PREX2: variants seen among roughly 807,000 people sequenced by gnomAD.
PREX2 encodes the protein phosphatidylinositol 3,4,5-trisphosphate-dependent Rac exchanger 2 protein.
In PREX2, 107 loss-of-function variants were observed where a neutral mutation model predicts 203.2. The observed-to-expected ratio is 0.53, with a 90% CI of 0.45 to 0.62. The LOEUF (loss-of-function observed/expected upper bound fraction) is 0.62, where lower values mean the gene tolerates loss of function less well. Ranked by LOEUF, PREX2 falls within the 20% of genes least tolerant of loss-of-function variation. PREX2 has a pLI of 0.00. For missense variants in PREX2, 1,777 were observed against 1,955.9 expected (o/e 0.91, Z 1.72); for synonymous variants, 672 against 663.6 (o/e 1.01, Z -0.19).
intron 35 of PREX2, among the ~76,000 whole-genome samples, chr8:68,188,664 A>G (rs1812237075): frequency 6.6e-6 from 1 of 152,214 alleles, no homozygotes; most frequent in South Asian, 2.1e-4. Flanking sequence ...ACATGGAGGC[A>G]GGCAAGAGAG....
At chr8:68,119,852 A>C (rs951300381) in intron 28 of PREX2, among the ~76,000 whole-genome samples, 4 of 152,158 alleles carry the variant, frequency 2.6e-5, no homozygotes. Context: ...AAAAAGCACA[A>C]GATATTGCCT....
chr8:68,190,829 G>C (rs1812278338), intron 35 of PREX2, among the ~76,000 whole-genome samples: 1 of 151,142 alleles, frequency 6.6e-6, no homozygotes, highest in Admixed American at 6.6e-5. Flanking sequence ...ATAGATACTA[G>C]ATCAAATAAA....
intron 1 of PREX2, among the ~76,000 whole-genome samples, chr8:67,985,719 A>G (rs56372029): frequency 0.22 from 33,594 of 152,090 alleles, 4,801 homozygotes; most frequent in East Asian, 0.54. Flanking sequence ...ACTAAGAAGG[A>G]TACTCTTCCC....
intron 2 of PREX2, 97 bp downstream of exon 2, chr8:68,018,014 A>C: frequency 1.2e-6 from 1 of 826,878 alleles, no homozygotes. Context: ...GTTGATCGGC[A>C]GTTCCACTAC....
rs1813172478 is a variant in PREX2 at position 68,231,584 on chromosome 8, A to C, written c.*206A>C. Reference sequence around the variant, plus strand: ...GAAATGGATAGAAGTTCAATCAGACAGTTCAGCTTCACGAACTGATGTCTC... The same window carrying C: ...GAAATGGATAGAAGTTCAATCAGACCGTTCAGCTTCACGAACTGATGTCTC... On this transcript the variant is annotated 3_prime_UTR_variant, in exon 40 of 40. Transcript: ENST00000288368. The C allele has an allele frequency of 2.4e-6, 1 of 412,170 alleles. No individual in the cohort carries two copies. The highest frequency in any genetic ancestry group is 4.3e-6 in the Non-Finnish European group (1 of 235,128). The allele number at this position is 412,170 out of a possible 1,614,324, so 25.5% of individuals were successfully genotyped here. A position where few individuals can be genotyped will look rare whatever the true frequency, so the allele number is the denominator to read the frequency against.
At chr8:68,157,016 C>T (rs1811554814) in intron 34 of PREX2, among the ~76,000 whole-genome samples, 1 of 152,082 alleles carries the variant, frequency 6.6e-6, no homozygotes, top group Non-Finnish European at 1.5e-5. Flanking sequence ...ATTCTGGTCT[C>T]CTACAGTTAT....
At position 68,080,536 on chromosome 8, in the gene PREX2, T is replaced by G; in HGVS notation, c.1736T>G (p.Met579Arg). ...MEGSNMKHRL[M>R]KHDLKVVENV... is the part of the protein sequence containing the mutation. Reference sequence around the variant, plus strand: ...GGATCAAATATGAAACATCGACTTATGAAACATGACTTAAAAGTTGTGGAA... The same window carrying G: ...GGATCAAATATGAAACATCGACTTAGGAAACATGACTTAAAAGTTGTGGAA... Residue 579 changes from methionine to arginine, a missense_variant, in exon 16 of 40, where the codon ATG becomes AGG. Transcript: ENST00000288368. 6.2e-7 allele frequency: 1 copy of G among 1,611,302 alleles called. No individual in the cohort carries two copies. Among genetic ancestry groups the G allele is most frequent in the Non-Finnish European group, 8.5e-7 (1 of 1,177,754 alleles).
chr8:68,190,728 G>T (rs189335361), intron 35 of PREX2, among the ~76,000 whole-genome samples: 2 of 151,822 alleles, frequency 1.3e-5, no homozygotes, highest in Non-Finnish European at 2.9e-5. Flanking sequence ...AAACATGTAT[G>T]TATACCCTCT....
chr8:68,161,932 C>G (rs4454258), intron 35 of PREX2, among the ~76,000 whole-genome samples: 45,478 of 152,014 alleles, frequency 0.3, 7,077 homozygotes, highest in East Asian at 0.5. Context: ...CCTCACAATC[C>G]TGGTGGAAGG....
intron 14 of PREX2, among the ~76,000 whole-genome samples, chr8:68,074,756 A>G (rs927688207): frequency 7.9e-5 from 12 of 152,202 alleles, no homozygotes; most frequent in African/African-American, 2.4e-4. Context: ...AATGTCCAGT[A>G]TGGACTGAGA....
chr8:68,200,694 T>C (rs1563584947), intron 37 of PREX2, among the ~76,000 whole-genome samples: 1 of 152,092 alleles, frequency 6.6e-6, no homozygotes, highest in Non-Finnish European at 1.5e-5. Flanking sequence ...TTTCTTAAAA[T>C]TAGATGTATG....
chr8:68,205,048 A>G (rs1812590973), intron 37 of PREX2, among the ~76,000 whole-genome samples: 1 of 152,028 alleles, frequency 6.6e-6, no homozygotes, highest in Non-Finnish European at 1.5e-5. Context: ...ACTCATAGAA[A>G]CCCAGTATGG....
intron 37 of PREX2, among the ~76,000 whole-genome samples, chr8:68,197,242 C>G (rs1032794159): frequency 2.6e-5 from 4 of 152,038 alleles, no homozygotes; most frequent in African/African-American, 9.7e-5. Context: ...ATTATAATCC[C>G]CATAAACCCC....
intron 37 of PREX2, among the ~76,000 whole-genome samples, chr8:68,212,892 C>T (rs1585868410): frequency 6.6e-6 from 1 of 152,144 alleles, no homozygotes; most frequent in East Asian, 1.9e-4. Context: ...AGCATATGAA[C>T]CATAAATTTG....
intron 1 of PREX2, among the ~76,000 whole-genome samples, chr8:67,999,002 G>A (rs1020793242): frequency 6.6e-6 from 1 of 152,114 alleles, no homozygotes; most frequent in Non-Finnish European, 1.5e-5. Flanking sequence ...AACTTATGTA[G>A]CTTGTTCTGC....
Position 68,093,586 on chromosome 8 carries a change from T to G in PREX2, c.2251-19T>G. 1 of 1,304,588 alleles carries G rather than the reference T, an allele frequency of 7.7e-7. No homozygotes were observed. Among genetic ancestry groups the G allele is most frequent in the Non-Finnish European group, 1.1e-6 (1 of 910,718 alleles). 80.8% of individuals were successfully genotyped at this position (1,304,588 alleles called of 1,614,324 possible). A position where few individuals can be genotyped will look rare whatever the true frequency, so the allele number is the denominator to read the frequency against. ...GAAGCACTAATACCTCTGAGGTTTC[T>G]TTCCCCCCTCATTTCCAGCAAGATT... On this transcript the variant is annotated intron_variant, in intron 20 of 39. Transcript: ENST00000288368.
intron 22 of PREX2, among the ~76,000 whole-genome samples, chr8:68,098,970 A>ATATT (rs1810178228): frequency 1.6e-5 from 2 of 126,376 alleles, no homozygotes; most frequent in South Asian, 2.5e-4. Context: ...ATATATATAT[A>ATATT]TATATATCTC....
At chr8:68,088,470 G>C (rs888672092) in intron 19 of PREX2, among the ~76,000 whole-genome samples, 1 of 152,136 alleles carries the variant, frequency 6.6e-6, no homozygotes, top group African/African-American at 2.4e-5. Flanking sequence ...GAAGTCATGT[G>C]TTTATCTAAC....
chr8:68,106,105 G>A (rs558436498), intron 23 of PREX2: 2 of 322,738 alleles, frequency 6.2e-6, no homozygotes, highest in East Asian at 2.0e-4. Flanking sequence ...GTCTGGAATA[G>A]ATGCCTCTCT....
Sources: allele counts gnomAD v4.1 joint callset (sites outside exome capture counted in the v4.1 genomes callset), GRCh38; gene constraint gnomAD v4.1.1; transcripts MANE v1.5; gene names NCBI Gene and HGNC (gene_info 2026-07-23, HGNC 2026-07-21).